Variants in ICA1 observed in about 807,000 individuals in gnomAD.
The protein encoded by ICA1 is islet cell autoantigen 1.
A neutral mutation model predicts 71.0 loss-of-function variants in ICA1; 40 were observed. The observed-to-expected ratio is 0.56, with a 90% confidence interval of 0.44 to 0.73. The LOEUF (loss-of-function observed/expected upper bound fraction) is 0.73, where lower values mean the gene tolerates loss of function less well. Among genes scored for constraint, ICA1 ranks in the 30% least tolerant of loss-of-function variants. The pLI, the probability that ICA1 is intolerant of heterozygous loss-of-function variation, is 0.00. For missense variants in ICA1, 578 were observed against 576.5 expected, an observed-to-expected ratio of 1.00 and a Z score of -0.03; for synonymous variants, 207 against 209.5, an observed-to-expected ratio of 0.99 and a Z score of 0.10.
chr7:8,123,736 T>C lies in ICA1; in HGVS notation c.1330+4137A>G, dbSNP rs1787928988. On this transcript the variant is annotated intron_variant, in intron 13 of 13. Coordinates refer to ENST00000402384, the MANE Select transcript of ICA1 (RefSeq NM_001136020.3). The surrounding 1 kb of genome is among the most constrained non-coding windows in gnomAD (Gnocchi z 4.1). The stretch of plus-strand genomic sequence containing the variant: ...GCCCAGGCCAGGGTGTCATTACAAG[T>C]CCTGCCCCTCTGACGGCTTCCTAAG... Among the ~76,000 whole-genome samples the C allele has an allele frequency of 6.6e-6, 1 of 152,154 alleles. No homozygotes were observed. Among genetic ancestry groups the C allele is most frequent in the South Asian group, 2.1e-4 (1 of 4,826 alleles).
rs1012009801 is a variant in ICA1, at chr7:8,223,025, T to C, written c.257-1627A>G. 6.6e-6 allele frequency among the ~76,000 whole-genome samples: 1 copy of C among 152,234 alleles called. No individual in the cohort carries two copies. Among genetic ancestry groups the C allele is most frequent in the Non-Finnish European group, 1.5e-5 (1 of 68,040 alleles). On this transcript the variant is annotated intron_variant, in intron 4 of 13. Coordinates refer to ENST00000402384, the MANE Select transcript of ICA1 (RefSeq NM_001136020.3). This position sits in a 1 kb window ranked among gnomAD's most constrained non-coding sequence, Gnocchi z 4.1. The stretch of plus-strand genomic sequence containing the variant: ...TGCCTTGTTATCCTCATACACTTTA[T>C]TTCAGTTGAAATACTTATTGCCTTT...
At chr7:8,240,716 A>C (rs1415199411) in intron 1 of ICA1, among the ~76,000 whole-genome samples, 1 of 152,212 alleles carries the variant, frequency 6.6e-6, no homozygotes, top group African/African-American at 2.4e-5. Flanking sequence ...GAGAAGACTT[A>C]AATGACCTGA....
At chr7:8,120,701 T>C (rs941924145) in intron 13 of ICA1, among the ~76,000 whole-genome samples, 1 of 152,212 alleles carries the variant, frequency 6.6e-6, no homozygotes, top group Admixed American at 6.5e-5. Flanking sequence ...ATATCAGATG[T>C]GCTACCCATT....
intron 6 of ICA1, among the ~76,000 whole-genome samples, chr7:8,213,098 A>G (rs1358173577): frequency 1.3e-5 from 2 of 152,244 alleles, no homozygotes; most frequent in African/African-American, 4.8e-5. Flanking sequence ...CAGGCACCCC[A>G]GTTAAACAAC....
Position 8,226,783 on chromosome 7 carries a change from C to T in ICA1, c.256+1818G>A, listed in dbSNP as rs775283447. Among the ~76,000 whole-genome samples, 44 of 152,196 alleles carry T rather than the reference C, an allele frequency of 2.9e-4. No individual in the cohort carries two copies. The highest frequency in any genetic ancestry group is 9.4e-4 in the African/African-American group (39 of 41,450). ...TGGCACAACCAGGTGACTGCTTCAA[C>T]GGTGGGGACATTATTCTAACCCTTT... On this transcript the variant is annotated intron_variant, in intron 4 of 13. Transcript: ENST00000402384. The surrounding 1 kb of genome is among the most constrained non-coding windows in gnomAD (Gnocchi z 4.4).
At chr7:8,252,763 T>A (rs1478671345) in intron 1 of ICA1, among the ~76,000 whole-genome samples, 1 of 151,458 alleles carries the variant, frequency 6.6e-6, no homozygotes, top group African/African-American at 2.4e-5. Flanking sequence ...CTGCTTTATA[T>A]TTAATTATAT....
At chr7:8,194,652 T>C (rs1172421383) in intron 6 of ICA1, among the ~76,000 whole-genome samples, 3 of 152,212 alleles carry the variant, frequency 2.0e-5, no homozygotes, top group South Asian at 2.1e-4. Context: ...CAAAGGTTTA[T>C]GTACAAAAAG....
At chr7:8,255,267 G>C (rs1461767296) in intron 1 of ICA1, among the ~76,000 whole-genome samples, 6 of 152,064 alleles carry the variant, frequency 3.9e-5, no homozygotes, top group Non-Finnish European at 5.9e-5. Flanking sequence ...TTCTCCACCA[G>C]CCCAGAGAAC....
Position 8,223,992 on chromosome 7 carries a change from G to A in ICA1, c.257-2594C>T, listed in dbSNP as rs1302404424. Among the ~76,000 whole-genome samples, 2 of 152,248 alleles carry A rather than the reference G, an allele frequency of 1.3e-5. No individual in the cohort carries two copies. Among genetic ancestry groups the A allele is most frequent in the East Asian group, 1.9e-4 (1 of 5,180 alleles). On this transcript the variant is annotated intron_variant, in intron 4 of 13. Transcript: ENST00000402384. This position sits in a 1 kb window ranked among gnomAD's most constrained non-coding sequence, Gnocchi z 4.1. ...GATTTATGGATGATCCAACACATAC[G>A]AGGCACAGTTCTTGCCACTGGAATA...
At chr7:8,211,844 T>G (rs905270243) in intron 6 of ICA1, among the ~76,000 whole-genome samples, 16 of 152,242 alleles carry the variant, frequency 1.1e-4, no homozygotes, top group Non-Finnish European at 2.1e-4. Context: ...TAGCCTCTGT[T>G]GTAACTGCTC....
At chr7:8,174,902 G>T (rs1780092651) in intron 6 of ICA1, among the ~76,000 whole-genome samples, 1 of 152,092 alleles carries the variant, frequency 6.6e-6, no homozygotes. Flanking sequence ...GTAGGGGAAA[G>T]AAACCGAAGA....
chr7:8,217,162 C>T (rs77771403), intron 6 of ICA1, among the ~76,000 whole-genome samples: 2,250 of 152,298 alleles, frequency 0.015, 49 homozygotes, highest in African/African-American at 0.051. Flanking sequence ...TCCTGATTTT[C>T]TATGATTCAG....
chr7:8,250,324 T>C (rs890164778), intron 1 of ICA1, among the ~76,000 whole-genome samples: 1 of 152,186 alleles, frequency 6.6e-6, no homozygotes, highest in African/African-American at 2.4e-5. Flanking sequence ...CCAGGCATAA[T>C]TAACCATATT....
At chr7:8,175,087 G>A (rs1780154137) in intron 6 of ICA1, among the ~76,000 whole-genome samples, 1 of 152,092 alleles carries the variant, frequency 6.6e-6, no homozygotes. Context: ...TTGAGGTAAG[G>A]AAAACGAGGT....
At chr7:8,251,115 T>C (rs1296116863) in intron 1 of ICA1, among the ~76,000 whole-genome samples, 1 of 152,074 alleles carries the variant, frequency 6.6e-6, no homozygotes, top group Non-Finnish European at 1.5e-5. Context: ...CTCAAACTCC[T>C]GAGCTCAAGT....
intron 1 of ICA1, among the ~76,000 whole-genome samples, chr7:8,244,626 A>G (rs902264837): frequency 1.3e-5 from 2 of 152,236 alleles, no homozygotes; most frequent in Non-Finnish European, 2.9e-5. Flanking sequence ...CAGGCAACCT[A>G]CACAATGGGA....
At chr7:8,195,904 G>C (rs957649456) in intron 6 of ICA1, among the ~76,000 whole-genome samples, 1 of 152,192 alleles carries the variant, frequency 6.6e-6, no homozygotes, top group African/African-American at 2.4e-5. Flanking sequence ...CTTGAACCCA[G>C]GAGGAAGAGG....
chr7:8,254,693 A>G (rs1809434535), intron 1 of ICA1, among the ~76,000 whole-genome samples: 1 of 151,920 alleles, frequency 6.6e-6, no homozygotes, highest in African/African-American at 2.4e-5. Context: ...AAACCCAGAA[A>G]GTTGCTTGAA....
upstream of ICA1, chr7:8,262,286 C>G (rs1479272223): frequency 1.3e-5 from 2 of 151,894 alleles, no homozygotes; most frequent in African/African-American, 4.8e-5. Context: ...CGCAGCGCAG[C>G]GGCCGGGGGG....
Sources: allele counts gnomAD v4.1 joint callset (sites outside exome capture counted in the v4.1 genomes callset), GRCh38; gene constraint gnomAD v4.1.1; non-coding constraint Gnocchi (gnomAD v3.1); transcripts MANE v1.5; gene names NCBI Gene and HGNC (gene_info 2026-07-23, HGNC 2026-07-21).